The following REL variants were observed in gnomAD, a reference collection of about 807,000 sequenced individuals.
REL encodes the protein proto-oncogene c-Rel.
A neutral mutation model predicts 45.9 loss-of-function variants in REL; 15 were observed. That is an observed-to-expected ratio of 0.33 (90% confidence interval 0.22 to 0.50). The LOEUF is 0.50. Ranked by LOEUF, REL falls within the 20% of genes least tolerant of loss-of-function variation. The pLI is 0.98. For synonymous variants in REL, 239 were observed against 242.1 expected, an observed-to-expected ratio of 0.99 and a Z score of 0.12; for missense variants, 601 against 715.2, an observed-to-expected ratio of 0.84 and a Z score of 1.82.
At chr2:60,894,688 C>G (rs1334923882) in intron 3 of REL, 143 bp downstream of exon 3, 2 of 551,718 alleles carry the variant, frequency 3.6e-6, no homozygotes, top group Non-Finnish European at 5.9e-6. Context: ...TACATTTTTA[C>G]TATTTGCATT....
intron 2 of REL, 43 bp from the exon 3 acceptor site, chr2:60,894,354 G>T (rs1356458300): frequency 8.4e-7 from 1 of 1,193,900 alleles, no homozygotes; most frequent in Non-Finnish European, 1.2e-6. Context: ...AGTTTATAAT[G>T]CAGTCTATTT....
Position 60,930,646 on chromosome 2 carries a change from A to G in REL, c.*8111A>G, listed in dbSNP as rs376632639. The G allele has an allele frequency of 3.1e-4, 47 of 150,070 alleles. No homozygotes were observed. Among genetic ancestry groups the G allele is most frequent in the African/African-American group, 1.1e-3 (45 of 41,346 alleles). 9.3% of individuals were successfully genotyped at this position (150,070 alleles called of 1,614,324 possible). A position where few individuals can be genotyped will look rare whatever the true frequency, so the allele number is the denominator to read the frequency against. ...TTTCATGCATGCAAAAAGCACAGAC[A>G]AAACCACTCATGCCCTATTAATAAA... is the stretch of plus-strand genomic sequence containing the variant. On this transcript the variant is annotated 3_prime_UTR_variant, in exon 10 of 10. Transcript: ENST00000394479.
At chr2:60,890,636 GATAAT>G (rs1280791427) in intron 1 of REL, among the ~76,000 whole-genome samples, 1 of 152,030 alleles carries the variant, frequency 6.6e-6, no homozygotes, top group Non-Finnish European at 1.5e-5. Context: ...CCACAATTTG[GATAAT>G]AAAAGTAAAG....
intron 1 of REL, among the ~76,000 whole-genome samples, chr2:60,887,845 T>C (rs1193562269): frequency 2.6e-5 from 4 of 151,844 alleles, no homozygotes; most frequent in African/African-American, 9.7e-5. Context: ...CAACAACTAC[T>C]TTTCTGTTCT....
At chr2:60,886,116 A>G (rs1354923072) in intron 1 of REL, among the ~76,000 whole-genome samples, 1 of 152,192 alleles carries the variant, frequency 6.6e-6, no homozygotes, top group Non-Finnish European at 1.5e-5. Context: ...ATGTTTTAAG[A>G]CAATTATTCT....
In REL at chr2:60,921,737, C is replaced by T. The variant is rs1219955811; in HGVS notation, c.992-26C>T. On this transcript the variant is annotated intron_variant, in intron 9 of 9. Coordinates refer to ENST00000394479, the MANE Select transcript of REL (RefSeq NM_001291746.2). ...TTTATAATTTTGTTCATTTTAATTTCGTAAAATAAATTTTTCCTCCCACAG... is the reference window on the plus strand; with the variant it reads ...TTTATAATTTTGTTCATTTTAATTTTGTAAAATAAATTTTTCCTCCCACAG... The T allele has an allele frequency of 1.3e-5, 20 of 1,554,788 alleles. No homozygotes were observed. In the South Asian group the frequency reaches 1.4e-4, roughly 11 times the overall value.
intron 7 of REL, 72 bp downstream of exon 7, chr2:60,918,678 T>C (rs750783963): frequency 5.9e-6 from 6 of 1,021,208 alleles, no homozygotes; most frequent in Admixed American, 3.5e-5. Flanking sequence ...TCTTGTAATA[T>C]TCATTTGAGT....
intron 5 of REL, 116 bp downstream of exon 5, chr2:60,917,133 G>T: frequency 1.2e-6 from 1 of 834,928 alleles, no homozygotes; most frequent in Non-Finnish European, 1.8e-6. Context: ...AAAACTTCCA[G>T]ACATTAGAGA....
At chr2:60,905,883 T>C (rs1673633150) in intron 4 of REL, among the ~76,000 whole-genome samples, 1 of 152,178 alleles carries the variant, frequency 6.6e-6, no homozygotes, top group African/African-American at 2.4e-5. Flanking sequence ...TTGAGTTCAA[T>C]ATATATACAT....
intron 4 of REL, among the ~76,000 whole-genome samples, chr2:60,905,934 C>T (rs540591401): frequency 2.0e-4 from 31 of 152,064 alleles, no homozygotes; most frequent in Non-Finnish European, 4.0e-4. Flanking sequence ...TGTATTAGTC[C>T]GTTTTCACTC....
Position 60,891,664 on chromosome 2 carries a change from CT to C in REL, c.11-14del, listed in dbSNP as rs758625270. ...CTATATTAATCTCACTGACCTCCTC[CT>C]TTTTAAAAACTTTTCAGGTGCGTAT... is the stretch of plus-strand genomic sequence containing the variant. On this transcript the variant is annotated intron_variant, in intron 1 of 9. Transcript: ENST00000394479. 2 of 1,582,012 alleles carry C rather than the reference CT, an allele frequency of 1.3e-6. No individual in the cohort carries two copies. The highest frequency in any genetic ancestry group is 1.7e-6 in the Non-Finnish European group (2 of 1,162,044).
chr2:60,893,820 A>G (rs537497945), intron 2 of REL, among the ~76,000 whole-genome samples: 1 of 152,110 alleles, frequency 6.6e-6, no homozygotes, highest in Non-Finnish European at 1.5e-5. Flanking sequence ...TTCCTCTTCC[A>G]TGTTAAACTC....
intron 4 of REL, among the ~76,000 whole-genome samples, chr2:60,903,552 G>C (rs75283239): frequency 1.4e-5 from 2 of 147,276 alleles, no homozygotes; most frequent in African/African-American, 5.0e-5. Flanking sequence ...TTTTTTTTTT[G>C]AGACAGAGTC....
In REL at chr2:60,904,389, G is replaced by A. The variant is rs1322791368; in HGVS notation, c.394+3306G>A. On this transcript the variant is annotated intron_variant, in intron 4 of 9. Coordinates refer to ENST00000394479, the MANE Select transcript of REL (RefSeq NM_001291746.2). The stretch of plus-strand genomic sequence containing the variant: ...TGCACTCCAGCCTGGGCGACAGAAC[G>A]AGACTCTGTCTCAATTAAAAAAAAA... Among the ~76,000 whole-genome samples the A allele has an allele frequency of 2.0e-5, 3 of 149,038 alleles. 1 individual carries two copies. Among genetic ancestry groups the A allele is most frequent in the Admixed American group, 1.3e-4 (2 of 14,942 alleles).
intron 4 of REL, among the ~76,000 whole-genome samples, chr2:60,910,422 A>G (rs1412549548): frequency 6.6e-6 from 1 of 150,974 alleles, no homozygotes; most frequent in East Asian, 1.9e-4. Context: ...CCAAGCTCAC[A>G]TCACTGCACT....
Position 60,881,857 on chromosome 2 carries a change from G to A in REL, c.10+7G>A. 1 of 1,494,056 alleles carries A rather than the reference G, an allele frequency of 6.7e-7. No homozygotes were observed. The highest frequency in any genetic ancestry group is 8.9e-7 in the Non-Finnish European group (1 of 1,121,854). The allele number at this position is 1,494,056 out of a possible 1,614,324, so 92.5% of individuals were successfully genotyped here. A position where few individuals can be genotyped will look rare whatever the true frequency, so the allele number is the denominator to read the frequency against. On this transcript the variant is annotated splice_region_variant and intron_variant, in intron 1 of 9. Transcript: ENST00000394479. ...AGCGGAGCCATGGCCTCCGGTGAGT[G>A]TTCATGGGGCGCGGGCCTGGGCCGG...
intron 2 of REL, 120 bp from the exon 3 acceptor site, chr2:60,894,277 T>A (rs1388833536): frequency 1.7e-6 from 1 of 573,258 alleles, no homozygotes; most frequent in Admixed American, 3.7e-5. Context: ...GTTCGTCAGC[T>A]GGATTTTATT....
intron 1 of REL, among the ~76,000 whole-genome samples, chr2:60,882,897 G>A (rs562832610): frequency 8.5e-5 from 13 of 152,222 alleles, no homozygotes; most frequent in Middle Eastern, 3.4e-3. Flanking sequence ...TCTCCCTTTG[G>A]GGGGGAATAA....
At position 60,929,992 on chromosome 2, in the gene REL, CA is replaced by C. The variant is rs879340463; in HGVS notation, c.*7469del. The C allele has an allele frequency of 2.2e-3, 296 of 133,468 alleles. No homozygotes were observed. The highest frequency in any genetic ancestry group is 1.9e-3 in the Admixed American group (26 of 13,352). 8.3% of individuals were successfully genotyped at this position (133,468 alleles called of 1,614,324 possible). ...CTCCAGCCTGGGCAAGACCCTGTCT[CA>C]AAAAAAAAAAAGACTTAGAATTGGT... On this transcript the variant is annotated 3_prime_UTR_variant, in exon 10 of 10. Coordinates refer to ENST00000394479, the MANE Select transcript of REL (RefSeq NM_001291746.2).
Sources: allele counts gnomAD v4.1 joint callset (sites outside exome capture counted in the v4.1 genomes callset), GRCh38; gene constraint gnomAD v4.1.1; transcripts MANE v1.5; gene names NCBI Gene and HGNC (gene_info 2026-07-23, HGNC 2026-07-21).